CCPG1: variants seen among roughly 807,000 people sequenced by gnomAD.
CCPG1 encodes cell cycle progression protein 1.
A neutral mutation model predicts 81.3 loss-of-function variants in CCPG1; 46 were observed. The observed-to-expected ratio is 0.57, with a 90% CI of 0.45 to 0.72. The LOEUF (loss-of-function observed/expected upper bound fraction) is 0.72. Ranked by LOEUF, CCPG1 falls within the 30% of genes least tolerant of loss-of-function variation. The pLI, the probability that CCPG1 is intolerant of heterozygous loss-of-function variation, is 0.00. For synonymous variants in CCPG1, 330 were observed against 305.2 expected, an observed-to-expected ratio of 1.08 and a Z score of -0.85; for missense variants, 902 against 937.6, an observed-to-expected ratio of 0.96 and a Z score of 0.50.
At chr15:55,386,144 C>A (rs1475394951) in intron 2 of CCPG1, among the ~76,000 whole-genome samples, 1 of 146,390 alleles carries the variant, frequency 6.8e-6, no homozygotes, top group African/African-American at 2.5e-5. Context: ...AATCCCAGCA[C>A]TTTGGGAGGC....
At chr15:55,380,586 C>A (rs936139854) in intron 3 of CCPG1, among the ~76,000 whole-genome samples, 2 of 151,816 alleles carry the variant, frequency 1.3e-5, no homozygotes, top group African/African-American at 4.8e-5. Context: ...TGAGCTACCG[C>A]GCCCGGTCGA....
intron 6 of CCPG1, among the ~76,000 whole-genome samples, chr15:55,369,751 A>T (rs554405399): frequency 6.6e-6 from 1 of 152,238 alleles, no homozygotes; most frequent in Non-Finnish European, 1.5e-5. Context: ...AAAATCCTAC[A>T]TAACAGAGAA....
At position 55,360,373 on chromosome 15, in the gene CCPG1, T is replaced by C. The variant is rs1455264009; in HGVS notation, c.1400A>G (p.Lys467Arg). The change falls in exon 8 of 9, where the codon AAA (lysine) becomes AGA (arginine). Residue 467 changes from lysine to arginine, a missense_variant. By Grantham distance (26) the Lys-to-Arg change is conservative (BLOSUM62 2). Transcript: ENST00000442196. ...DQNGKQGTDG[K>R]KKGGRGSHRA... ...GTGGCTTCCTCTGCCCCCTTTCTTT[T>C]TTCCATCTGTTCCTTGTTTTCCATT... The C allele has an allele frequency of 6.2e-7, 1 of 1,613,948 alleles. No individual in the cohort carries two copies. The highest frequency in any genetic ancestry group is 8.5e-7 in the Non-Finnish European group (1 of 1,180,038).
chr15:55,407,099 G>A (rs1246502431), intron 1 of CCPG1, among the ~76,000 whole-genome samples: 1 of 151,222 alleles, frequency 6.6e-6, no homozygotes, highest in Admixed American at 6.6e-5. Context: ...GTGGTGGCGG[G>A]CGCCTGTAAT....
chr15:55,374,308 G>C (rs544852468), intron 5 of CCPG1: 2 of 853,060 alleles, frequency 2.3e-6, no homozygotes, highest in African/African-American at 3.6e-5. Flanking sequence ...AGACTAAAAA[G>C]AAAAAAAAGA....
In CCPG1 at chr15:55,381,285, T is replaced by A. The variant is rs1024897253; in HGVS notation, c.176-2909A>T. Among the ~76,000 whole-genome samples the A allele has an allele frequency of 3.4e-5, 5 of 147,914 alleles. No individual in the cohort carries two copies. In the East Asian group the frequency reaches 6.0e-4, roughly 18 times the overall value. ...CCCCGTCTCTACTAAAAATAAAAAA[T>A]AAAAAAAAAATAGCTGGGCATAGTG... is the stretch of plus-strand genomic sequence containing the variant. On this transcript the variant is annotated intron_variant, in intron 3 of 8. Transcript: ENST00000442196.
intron 1 of CCPG1, among the ~76,000 whole-genome samples, chr15:55,391,309 T>C (rs1227405432): frequency 6.6e-6 from 1 of 152,020 alleles, no homozygotes; most frequent in Non-Finnish European, 1.5e-5. Context: ...AGAGACAACG[T>C]TTGGCCATGT....
intron 1 of CCPG1, chr15:55,398,179 A>G (rs1444924191): frequency 6.6e-6 from 1 of 152,230 alleles, no homozygotes; most frequent in South Asian, 2.1e-4. Context: ...CAACAACAGT[A>G]TCAATTTTAC....
At chr15:55,406,101 G>A (rs1595872948) in intron 1 of CCPG1, among the ~76,000 whole-genome samples, 1 of 152,202 alleles carries the variant, frequency 6.6e-6, no homozygotes, top group African/African-American at 2.4e-5. Context: ...CTGACCTCAA[G>A]TGATCCGCCT....
At chr15:55,356,837 C>G (rs2056087926) in intron 8 of CCPG1, 1 of 988,798 alleles carries the variant, frequency 1.0e-6, no homozygotes, top group African/African-American at 1.7e-5. Context: ...AACACCTACA[C>G]CGCTTTCCTT....
chr15:55,369,543 A>G (rs1355205597), intron 6 of CCPG1, among the ~76,000 whole-genome samples: 1 of 152,226 alleles, frequency 6.6e-6, no homozygotes, highest in Non-Finnish European at 1.5e-5. Context: ...TCAAAAAAAA[A>G]AAAAAGTGAT....
Position 55,399,368 on chromosome 15 carries a change from C to T in CCPG1, c.-10+8853G>A, listed in dbSNP as rs796377132. Reference sequence around the variant, plus strand: ...ATCAACTGTCAGGTCGGGTACAGTTCCAGATTAGCCTGGCCAACATGGTGC... The same window carrying T: ...ATCAACTGTCAGGTCGGGTACAGTTTCAGATTAGCCTGGCCAACATGGTGC... On this transcript the variant is annotated intron_variant, in intron 1 of 8. Coordinates refer to ENST00000442196, the MANE Select transcript of CCPG1 (RefSeq NM_001204450.2). Among the ~76,000 whole-genome samples the T allele has an allele frequency of 4.7e-4, 69 of 147,950 alleles. 1 individual carries two copies. The highest frequency in any genetic ancestry group is 1.7e-3 in the African/African-American group (68 of 39,272).
rs2056074604 is a variant in CCPG1 at position 55,356,208 on chromosome 15, CT to C, written c.*11del. The C allele has an allele frequency of 6.6e-7, 1 of 1,519,686 alleles. No homozygotes were observed. Among genetic ancestry groups the C allele is most frequent in the African/African-American group, 1.4e-5 (1 of 72,266 alleles). 94.1% of individuals were successfully genotyped at this position (1,519,686 alleles called of 1,614,324 possible). A position where few individuals can be genotyped will look rare whatever the true frequency, so the allele number is the denominator to read the frequency against. On this transcript the variant is annotated 3_prime_UTR_variant, in exon 9 of 9. Coordinates refer to ENST00000442196, the MANE Select transcript of CCPG1 (RefSeq NM_001204450.2). ...TTTCTCTTACAGTTGTCTAATTTAA[CT>C]CAATTGTGAATCAGTATTGAGGATC...
rs1218231733 is a variant in CCPG1, at chr15:55,355,438, C to G, written c.*782G>C. The G allele has an allele frequency of 1.2e-6, 2 of 1,600,106 alleles. No homozygotes were observed. Among genetic ancestry groups the G allele is most frequent in the African/African-American group, 2.7e-5 (2 of 74,338 alleles). On this transcript the variant is annotated 3_prime_UTR_variant, in exon 9 of 9. Coordinates refer to ENST00000442196, the MANE Select transcript of CCPG1 (RefSeq NM_001204450.2). ...ACATGAAGATGAAATTCTGAACTTT[C>G]CTAGATAAATTAACATTGCTGGGTG... is the stretch of plus-strand genomic sequence containing the variant.
At chr15:55,406,607 G>C (rs968309724) in intron 1 of CCPG1, among the ~76,000 whole-genome samples, 1 of 151,318 alleles carries the variant, frequency 6.6e-6, no homozygotes, top group South Asian at 2.1e-4. Flanking sequence ...GCTAATTTTT[G>C]TATTTTTAGT....
chr15:55,387,347 T>C (rs1250767214), intron 2 of CCPG1, among the ~76,000 whole-genome samples: 1 of 152,156 alleles, frequency 6.6e-6, no homozygotes, highest in Non-Finnish European at 1.5e-5. Flanking sequence ...GTTGATCTAA[T>C]CCTTTGAAGA....
intron 6 of CCPG1, among the ~76,000 whole-genome samples, chr15:55,367,621 G>A (rs77468241): frequency 4.1e-4 from 3 of 7,372 alleles, no homozygotes; most frequent in Non-Finnish European, 2.6e-3. Flanking sequence ...TTTGTAGGGT[G>A]GAAAAAAAAA....
intron 1 of CCPG1, among the ~76,000 whole-genome samples, chr15:55,399,417 C>CAAAAAAAAAAAAAAAAAA (rs56191750): frequency 1.6e-5 from 1 of 63,144 alleles, no homozygotes; most frequent in Non-Finnish European, 3.5e-5. Context: ...ACTAAAAATA[C>CAAAAAAAAAAAAAAAAAA]AAAAAAAAAA....
At chr15:55,380,484 A>G (rs2056663292) in intron 3 of CCPG1, among the ~76,000 whole-genome samples, 2 of 151,304 alleles carry the variant, frequency 1.3e-5, no homozygotes, top group African/African-American at 2.4e-5. Flanking sequence ...TTTAGTACAG[A>G]CGGGGTTTCA....
Sources: allele counts gnomAD v4.1 joint callset (sites outside exome capture counted in the v4.1 genomes callset), GRCh38; gene constraint gnomAD v4.1.1; transcripts MANE v1.5; gene names NCBI Gene and HGNC (gene_info 2026-07-23, HGNC 2026-07-21).